The following PROX2 variants were observed in gnomAD, a reference collection of about 807,000 sequenced individuals.
PROX2 encodes prospero homeobox protein 2.
In PROX2, 46 loss-of-function variants were observed where a neutral mutation model predicts 48.9. The observed-to-expected ratio is 0.94, with a 90% confidence interval of 0.74 to 1.20. The LOEUF (loss-of-function observed/expected upper bound fraction) is 1.20. Ranked by LOEUF, PROX2 falls within the 50% of genes most tolerant of loss-of-function variation. PROX2 has a pLI of 0.00. For synonymous variants in PROX2, 260 were observed against 276.6 expected (o/e 0.94, Z 0.60); for missense variants, 663 against 719.4 (o/e 0.92, Z 0.90).
At position 74,863,042 on chromosome 14, in the gene PROX2, C is replaced by T; in HGVS notation, c.793G>A (p.Ala265Thr). ...GGTGAGGGCTCGCTTCTACCCTCTGCCACCTGCCCCTGGAAGCTTCTGCCC... is the reference window on the plus strand; with the variant it reads ...GGTGAGGGCTCGCTTCTACCCTCTGTCACCTGCCCCTGGAAGCTTCTGCCC... ...QLGRSFQGQV[A>T]EGRSEPSPPV... The change falls in exon 3 of 6, where the codon GCA (alanine) becomes ACA (threonine). Residue 265 changes from alanine to threonine, a missense_variant. Ala to Thr is a moderately conservative substitution (Grantham distance 58). Transcript: ENST00000556489. 6.2e-7 allele frequency: 1 copy of T among 1,613,884 alleles called. No homozygotes were observed.
chr14:74,863,040 T>C lies in PROX2; in HGVS notation c.795A>G (p.Ala265=). ...QLGRSFQGQV[A]EGRSEPSPPV... ...GAGGTGAGGGCTCGCTTCTACCCTC[T>C]GCCACCTGCCCCTGGAAGCTTCTGC... Residue 265 remains alanine (A), a synonymous_variant, in exon 3 of 6, where the codon GCA becomes GCG. Coordinates refer to ENST00000556489, the MANE Select transcript of PROX2 (RefSeq NM_001243007.2). 1 of 1,613,924 alleles carries C rather than the reference T, an allele frequency of 6.2e-7. No individual in the cohort carries two copies.
chr14:74,858,842 TTGTGTGTGTGTGTGTGTGTGTG>T (rs199587376), intron 3 of PROX2: 14 of 162,148 alleles, frequency 8.6e-5, no homozygotes, highest in South Asian at 4.9e-4. Flanking sequence ...GGTTGGTGTA[TTGTGTGTGTGTGTGTGTGTGTG>T]TGTGTGTGTG....
chr14:74,858,571 G>C (rs962833554), intron 3 of PROX2, 57 bp from the exon 4 acceptor site: 2 of 895,946 alleles, frequency 2.2e-6, no homozygotes, highest in Middle Eastern at 4.3e-4. Flanking sequence ...CAATTAACTA[G>C]TGAATTCCTT....
intron 2 of PROX2, among the ~76,000 whole-genome samples, chr14:74,866,551 G>A (rs1883068156): frequency 6.6e-6 from 1 of 152,186 alleles, no homozygotes; most frequent in Non-Finnish European, 1.5e-5. Flanking sequence ...ACCAAGTGAA[G>A]TAAATGTTTC....
chr14:74,874,114 C>T (rs1415479175), intron 1 of PROX2: 7 of 528,734 alleles, frequency 1.3e-5, no homozygotes, highest in South Asian at 8.4e-5. Flanking sequence ...TTCTAAAGAC[C>T]GCTTTGGAAA....
intron 2 of PROX2, among the ~76,000 whole-genome samples, chr14:74,867,827 C>T (rs902549123): frequency 6.6e-6 from 1 of 152,088 alleles, no homozygotes; most frequent in African/African-American, 2.4e-5. Context: ...ACAGATGGGA[C>T]CAGTGTGTTT....
At chr14:74,874,038 C>T in intron 1 of PROX2, 1 of 522,008 alleles carries the variant, frequency 1.9e-6, no homozygotes, top group Non-Finnish European at 3.9e-6. Context: ...GATGTCAAGT[C>T]ATTTGATACA....
At chr14:74,868,475 G>A (rs934236217) in intron 2 of PROX2, among the ~76,000 whole-genome samples, 11 of 150,968 alleles carry the variant, frequency 7.3e-5, no homozygotes, top group Non-Finnish European at 1.0e-4. Context: ...CCATTGTATA[G>A]ATGTACCCTA....
At chr14:74,859,168 A>T (rs1482397729) in intron 3 of PROX2, 1 of 152,240 alleles carries the variant, frequency 6.6e-6, no homozygotes, top group Non-Finnish European at 1.5e-5. Flanking sequence ...TTTGCCTGGC[A>T]GAACTATCCC....
chr14:74,870,290 G>A (rs1883177647), intron 2 of PROX2, among the ~76,000 whole-genome samples: 1 of 151,524 alleles, frequency 6.6e-6, no homozygotes, highest in African/African-American at 2.4e-5. Context: ...GGGCATTGTG[G>A]TGGCTTGTGC....
chr14:74,875,169 A>G (rs1883310449), intron 1 of PROX2, among the ~76,000 whole-genome samples: 1 of 152,184 alleles, frequency 6.6e-6, no homozygotes, highest in Non-Finnish European at 1.5e-5. Flanking sequence ...AATAAATAAA[A>G]TAAAATCTTA....
In PROX2 at chr14:74,853,892, T is replaced by C. The variant is rs965033406; in HGVS notation, c.*1240A>G. On this transcript the variant is annotated 3_prime_UTR_variant, in exon 6 of 6. Coordinates refer to ENST00000556489, the MANE Select transcript of PROX2 (RefSeq NM_001243007.2). Reference sequence around the variant, plus strand: ...CTATATACTCAAGAGTGGGTCACAATTGTGCTGGGCCAGCAGCAGGGGGAA... The same window carrying C: ...CTATATACTCAAGAGTGGGTCACAACTGTGCTGGGCCAGCAGCAGGGGGAA... The C allele has an allele frequency of 6.3e-6, 1 of 159,020 alleles. No homozygotes were observed. The highest frequency in any genetic ancestry group is 2.4e-5 in the African/African-American group (1 of 41,368). 9.9% of individuals were successfully genotyped at this position (159,020 alleles called of 1,614,324 possible).
chr14:74,855,123 C>T lies in PROX2; in HGVS notation c.*9G>A. ...CTCCTCACGTTGTGGGATCTTAACC[C>T]CGAAACAGCTACTGGGGATAGCTGG... On this transcript the variant is annotated 3_prime_UTR_variant, in exon 6 of 6. Coordinates refer to ENST00000556489, the MANE Select transcript of PROX2 (RefSeq NM_001243007.2). 3 of 1,529,952 alleles carry T rather than the reference C, an allele frequency of 2.0e-6. No homozygotes were observed. Among genetic ancestry groups the T allele is most frequent in the African/African-American group, 1.4e-5 (1 of 73,490 alleles). The allele number at this position is 1,529,952 out of a possible 1,614,324, so 94.8% of individuals were successfully genotyped here.
Position 74,863,927 on chromosome 14 carries a change from T to A in PROX2, c.-93A>T. 7.4e-7 allele frequency: 1 copy of A among 1,356,614 alleles called. No individual in the cohort carries two copies. The allele number at this position is 1,356,614 out of a possible 1,614,324, so 84.0% of individuals were successfully genotyped here. A position where few individuals can be genotyped will look rare whatever the true frequency, so the allele number is the denominator to read the frequency against. On this transcript the variant is annotated 5_prime_UTR_variant, in exon 3 of 6. It adds an upstream start codon to the 5' untranslated region. Transcript: ENST00000556489. ...ATGCGCTGGGCTTCCTCCTCTGCAC[T>A]TAGAAGGGTAAAGAGCCACTGTCAC...
intron 5 of PROX2, chr14:74,855,541 TG>T (rs1415964146): frequency 8.1e-6 from 3 of 368,574 alleles, no homozygotes; most frequent in African/African-American, 6.2e-5. Flanking sequence ...ACACTTCCTT[TG>T]TAGGAGGAGC....
chr14:74,870,569 A>G (rs1228301776), intron 2 of PROX2, among the ~76,000 whole-genome samples: 1 of 151,554 alleles, frequency 6.6e-6, no homozygotes, highest in African/African-American at 2.4e-5. Context: ...ATTTTTCTGA[A>G]TTTTCTAAAT....
intron 1 of PROX2, chr14:74,873,705 GAACTAGA>G (rs1883271463): frequency 2.2e-6 from 1 of 447,536 alleles, no homozygotes; most frequent in African/African-American, 2.0e-5. Flanking sequence ...AAGGCTTAAG[GAACTAGA>G]GAGTCACCTG....
At chr14:74,873,554 A>C (rs1594865393) in intron 1 of PROX2, 1 of 220,094 alleles carries the variant, frequency 4.5e-6, no homozygotes. Context: ...GCTGGTCTCC[A>C]GATTTTTATA....
chr14:74,861,142 A>G (rs2091792130), intron 3 of PROX2: 1 of 1,187,270 alleles, frequency 8.4e-7, no homozygotes. Flanking sequence ...TGGCATGGTA[A>G]TGAGCTGGTC....
Sources: allele counts gnomAD v4.1 joint callset (sites outside exome capture counted in the v4.1 genomes callset), GRCh38; gene constraint gnomAD v4.1.1; transcripts MANE v1.5; gene names NCBI Gene and HGNC (gene_info 2026-07-23, HGNC 2026-07-21).